Variants in TEKTL1 observed in about 807,000 individuals in gnomAD.
TEKTL1 encodes the protein tektin-like protein 1.
chr19:15,011,559 C>A, the TEKTL1 span, among the ~76,000 whole-genome samples: 1 of 151,928 alleles, frequency 6.6e-6, no homozygotes, highest in Non-Finnish European at 1.5e-5. Context: ...CATGGTGAAA[C>A]CCCCGTCTCT....
chr19:15,021,994 C>A, the TEKTL1 span: 1 of 1,162,758 alleles, frequency 8.6e-7, no homozygotes, highest in Non-Finnish European at 1.2e-6. Context: ...CACATCTGGA[C>A]CAGGTATGAT....
chr19:15,013,193 G>C, the TEKTL1 span, among the ~76,000 whole-genome samples: 4 of 152,088 alleles, frequency 2.6e-5, no homozygotes, highest in African/African-American at 9.7e-5. Context: ...TCCCGGGGGA[G>C]AGATGAGACC....
chr19:15,022,987 G>A, the TEKTL1 span: 339 of 1,613,326 alleles, frequency 2.1e-4, no homozygotes, highest in Admixed American at 4.8e-4. Context: ...GGCATGAGGT[G>A]GACGGCAACG....
chr19:15,022,786 T>C, the TEKTL1 span: 1 of 1,400,918 alleles, frequency 7.1e-7, no homozygotes, highest in Non-Finnish European at 9.6e-7. Context: ...CTGTGTTCCT[T>C]ACACACACAC....
chr19:15,015,058 C>T, the TEKTL1 span, among the ~76,000 whole-genome samples: 1 of 152,104 alleles, frequency 6.6e-6, no homozygotes, highest in Non-Finnish European at 1.5e-5. Flanking sequence ...GGCACAGTTG[C>T]AAGTGCCTGC....
At chr19:15,021,203 A>T in the TEKTL1 span, 2 of 941,650 alleles carry the variant, frequency 2.1e-6, no homozygotes, top group Non-Finnish European at 1.5e-6. Context: ...GACGCTTCTT[A>T]CACTATCCCC....
the TEKTL1 span, among the ~76,000 whole-genome samples, chr19:15,013,430 T>TA: frequency 1.3e-5 from 2 of 151,912 alleles, no homozygotes; most frequent in African/African-American, 4.8e-5. Flanking sequence ...CTCCTATCTG[T>TA]AAAAGAGAGA....
chr19:15,014,001 C>G, the TEKTL1 span, among the ~76,000 whole-genome samples: 1 of 152,164 alleles, frequency 6.6e-6, no homozygotes, highest in Non-Finnish European at 1.5e-5. Context: ...AAACCCTGCG[C>G]AGTCATTGAA....
chr19:15,021,855 C>A, the TEKTL1 span: 1 of 1,614,074 alleles, frequency 6.2e-7, no homozygotes, highest in Non-Finnish European at 8.5e-7. Flanking sequence ...CTGGACAGAC[C>A]CCTGGTTCGC....
chr19:15,018,732 A>ATATATATATATATAT, the TEKTL1 span, among the ~76,000 whole-genome samples: 34 of 78,468 alleles, frequency 4.3e-4, 3 homozygotes, highest in Non-Finnish European at 5.6e-4. Context: ...ATATATATAT[A>ATATATATATATATAT]ACTTCCCTGG....
chr19:15,018,399 TA>T, the TEKTL1 span, among the ~76,000 whole-genome samples: 1 of 151,892 alleles, frequency 6.6e-6, no homozygotes, highest in Non-Finnish European at 1.5e-5. Flanking sequence ...ACTTTGTGAA[TA>T]AAAAAGTGAT....
chr19:15,010,841 C>G, the TEKTL1 span: 1 of 1,541,410 alleles, frequency 6.5e-7, no homozygotes. Context: ...CGTGTTGGTA[C>G]CCCCGGCTGA....
the TEKTL1 span, among the ~76,000 whole-genome samples, chr19:15,018,928 G>A: frequency 6.6e-6 from 1 of 151,252 alleles, no homozygotes; most frequent in Non-Finnish European, 1.5e-5. Context: ...TGGCTATTGA[G>A]GAAACTGTAC....
At chr19:15,010,997 G>A in the TEKTL1 span, 521 of 1,591,118 alleles carry the variant, frequency 3.3e-4, 2 homozygotes, top group African/African-American at 6.6e-3. Context: ...GGACCCGAAC[G>A]TGGCCCACCA....
At chr19:15,013,590 C>A in the TEKTL1 span, 1 of 1,044,144 alleles carries the variant, frequency 9.6e-7, no homozygotes, top group Non-Finnish European at 1.4e-6. Flanking sequence ...ATGAGGCTGG[C>A]AAACCCTCTA....
At chr19:15,022,133 A>G in the TEKTL1 span, among the ~76,000 whole-genome samples, 1 of 151,266 alleles carries the variant, frequency 6.6e-6, no homozygotes, top group African/African-American at 2.4e-5. Flanking sequence ...AGTCCCCTCA[A>G]CCCCTGTCCT....
chr19:15,015,490 A>T, the TEKTL1 span, among the ~76,000 whole-genome samples: 2 of 152,118 alleles, frequency 1.3e-5, no homozygotes. Context: ...GAAAACCACC[A>T]AAGGGAACCT....
the TEKTL1 span, chr19:15,013,588 G>A: frequency 2.0e-6 from 2 of 1,011,306 alleles, no homozygotes; most frequent in South Asian, 1.5e-5. Context: ...TTATGAGGCT[G>A]GCAAACCCTC....
At chr19:15,016,820 C>T in the TEKTL1 span, among the ~76,000 whole-genome samples, 1 of 152,168 alleles carries the variant, frequency 6.6e-6, no homozygotes, top group Non-Finnish European at 1.5e-5. Context: ...AAATGATATG[C>T]ATATGAATGG....
Sources: gnomAD v4.1 joint callset for allele counts (sites outside exome capture counted in the v4.1 genomes callset) on GRCh38, gnomAD v4.1.1 for gene constraint, MANE v1.5 for transcripts, NCBI Gene and HGNC (gene_info 2026-07-23, HGNC 2026-07-21) for gene names.